Variants in FGF12 observed in about 807,000 individuals in gnomAD.
FGF12 encodes the protein fibroblast growth factor 12.
FGF12 carries 14 observed loss-of-function variants against 23.6 expected under a neutral mutation model. That is an observed-to-expected ratio of 0.59 (90% CI 0.39 to 0.93). FGF12 has a LOEUF of 0.93. FGF12 is among the 40% of genes least tolerant of loss of function. The probability of loss-of-function intolerance (pLI) is 0.00; values close to 1 mark genes in which losing one functional copy is unlikely to be tolerated. For missense variants in FGF12, 175 were observed against 217.8 expected (o/e 0.80, Z 1.24); for synonymous variants, 62 against 77.3 (o/e 0.80, Z 1.04).
At chr3:192,338,357 A>C (rs1433514800) in intron 3 of FGF12, among the ~76,000 whole-genome samples, 1 of 151,970 alleles carries the variant, frequency 6.6e-6, no homozygotes, top group African/African-American at 2.4e-5. Context: ...TTGTTCTTTT[A>C]ATTTCCTCTA....
At chr3:192,561,827 T>C (rs1274755319) in intron 2 of FGF12, among the ~76,000 whole-genome samples, 1 of 151,580 alleles carries the variant, frequency 6.6e-6, no homozygotes. Context: ...AAACAAGAGC[T>C]TACACTATGA....
chr3:192,284,417 T>G (rs1034288397), intron 4 of FGF12, among the ~76,000 whole-genome samples: 1 of 152,054 alleles, frequency 6.6e-6, no homozygotes, highest in Non-Finnish European at 1.5e-5. Flanking sequence ...CTTCAAATAA[T>G]CTTTACACCA....
chr3:192,393,468 C>T (rs1400751418), intron 2 of FGF12, among the ~76,000 whole-genome samples: 2 of 152,144 alleles, frequency 1.3e-5, no homozygotes, highest in Admixed American at 6.5e-5. Flanking sequence ...AGAAAAAGCC[C>T]TTCTCATGGT....
intron 4 of FGF12, among the ~76,000 whole-genome samples, chr3:192,176,626 C>T (rs1488936765): frequency 6.6e-6 from 1 of 152,156 alleles, no homozygotes; most frequent in Non-Finnish European, 1.5e-5. Context: ...TTTTCTATTA[C>T]ATTAAACTGG....
intron 2 of FGF12, among the ~76,000 whole-genome samples, chr3:192,510,768 G>A (rs532908836): frequency 3.9e-5 from 6 of 152,272 alleles, no homozygotes; most frequent in Admixed American, 2.0e-4. Flanking sequence ...GTACATCCAC[G>A]CAATGGAATA....
intron 2 of FGF12, among the ~76,000 whole-genome samples, chr3:192,721,421 T>C (rs1345031917): frequency 6.6e-6 from 1 of 152,122 alleles, no homozygotes; most frequent in East Asian, 1.9e-4. Flanking sequence ...ATCTATAAAA[T>C]AAAGTTAAAA....
chr3:192,571,942 GTTT>G lies in FGF12; in HGVS notation c.13+155236_13+155238del, dbSNP rs5855435. On this transcript the variant is annotated intron_variant, in intron 2 of 5. Transcript: ENST00000445105. ...TATAGTGGTCCTTAGCACTATTGCTGTTTTTTTTTTTTTTTTAATTTTAGTTGT... is the reference window on the plus strand; with the variant it reads ...TATAGTGGTCCTTAGCACTATTGCTGTTTTTTTTTTTTTAATTTTAGTTGT... 2.2e-3 allele frequency among the ~76,000 whole-genome samples: 321 copies of G among 143,936 alleles called. 1 individual carries two copies. The highest frequency in any genetic ancestry group is 6.9e-3 in the African/African-American group (268 of 38,944). 94.4% of individuals were successfully genotyped at this position (143,936 alleles called of 152,430 possible). A position where few individuals can be genotyped will look rare whatever the true frequency, so the allele number is the denominator to read the frequency against.
intron 5 of FGF12, among the ~76,000 whole-genome samples, chr3:192,169,226 A>T (rs1263488501): frequency 6.6e-6 from 1 of 152,158 alleles, no homozygotes; most frequent in Non-Finnish European, 1.5e-5. Flanking sequence ...CTGTAATCCC[A>T]GCTACCCAGG....
intron 4 of FGF12, among the ~76,000 whole-genome samples, chr3:192,322,521 C>T (rs1716603230): frequency 6.6e-6 from 1 of 151,812 alleles, no homozygotes; most frequent in Admixed American, 6.6e-5. Context: ...CACACACACA[C>T]ACCCCAGAAT....
intron 2 of FGF12, among the ~76,000 whole-genome samples, chr3:192,423,516 C>A (rs1721600145): frequency 6.6e-6 from 1 of 152,138 alleles, no homozygotes; most frequent in Admixed American, 6.5e-5. Flanking sequence ...ATGAATACAA[C>A]AGACTCTCAT....
chr3:192,334,714 C>T (rs2108698436), intron 4 of FGF12, among the ~76,000 whole-genome samples: 1 of 152,132 alleles, frequency 6.6e-6, no homozygotes, highest in Admixed American at 6.6e-5. Flanking sequence ...ACATTGTGTC[C>T]AACATGCTCA....
At chr3:192,272,960 G>A (rs577843263) in intron 4 of FGF12, among the ~76,000 whole-genome samples, 97 of 152,150 alleles carry the variant, frequency 6.4e-4, no homozygotes, top group African/African-American at 2.1e-3. Flanking sequence ...TTCAAACTTC[G>A]ATAGATGAGA....
At chr3:192,482,413 C>A (rs1295543844) in intron 2 of FGF12, among the ~76,000 whole-genome samples, 3 of 151,930 alleles carry the variant, frequency 2.0e-5, no homozygotes, top group Non-Finnish European at 4.4e-5. Flanking sequence ...GCAGGAAGAT[C>A]GCTTGAGGTC....
At chr3:192,382,623 G>T (rs1576932444) in intron 2 of FGF12, among the ~76,000 whole-genome samples, 1 of 152,054 alleles carries the variant, frequency 6.6e-6, no homozygotes, top group Non-Finnish European at 1.5e-5. Flanking sequence ...TCCTTCCTTT[G>T]CTATAATATA....
rs146049520 is a variant in FGF12, at chr3:192,360,067, C to T, written c.124+361G>A. ...GAACTTGTTCATTATTGAACTATAA[C>T]TTGTTCATCACTTGGTTCCGGGATT... On this transcript the variant is annotated intron_variant, in intron 3 of 5. Transcript: ENST00000445105. This position sits in a 1 kb window ranked among gnomAD's most constrained non-coding sequence, Gnocchi z 4.3. Among the ~76,000 whole-genome samples the T allele has an allele frequency of 2.0e-5, 3 of 152,114 alleles. No individual in the cohort carries two copies. The highest frequency in any genetic ancestry group is 1.9e-4 in the East Asian group (1 of 5,172).
At chr3:192,470,956 A>G (rs13071501) in intron 2 of FGF12, among the ~76,000 whole-genome samples, 2 of 152,062 alleles carry the variant, frequency 1.3e-5, no homozygotes, top group Admixed American at 1.3e-4. Flanking sequence ...TTCCCCAGAC[A>G]TCTTGCCTGA....
chr3:192,298,260 T>A (rs756373603), intron 4 of FGF12, among the ~76,000 whole-genome samples: 2 of 152,198 alleles, frequency 1.3e-5, no homozygotes, highest in Non-Finnish European at 2.9e-5. Context: ...ATGTTATCTG[T>A]CCCTTGATCT....
intron 2 of FGF12, among the ~76,000 whole-genome samples, chr3:192,398,200 A>T (rs1218666290): frequency 1.3e-5 from 2 of 152,190 alleles, no homozygotes; most frequent in East Asian, 3.9e-4. Flanking sequence ...CTTGCAAGTA[A>T]TTAAACCATG....
chr3:192,301,461 C>T (rs778433345), intron 4 of FGF12, among the ~76,000 whole-genome samples: 1 of 152,154 alleles, frequency 6.6e-6, no homozygotes, highest in Admixed American at 6.5e-5. Context: ...TGATAGATAT[C>T]CAATGGTATA....
Sources: allele counts gnomAD v4.1 joint callset (sites outside exome capture counted in the v4.1 genomes callset), GRCh38; gene constraint gnomAD v4.1.1; non-coding constraint Gnocchi (gnomAD v3.1); transcripts MANE v1.5; gene names NCBI Gene and HGNC (gene_info 2026-07-23, HGNC 2026-07-21).